SRPK2: variants seen among roughly 807,000 people sequenced by gnomAD.
SRPK2 encodes SRSF protein kinase 2.
Under a neutral mutation model 90.8 loss-of-function variants are expected in SRPK2, and 21 were observed. That is an observed-to-expected ratio of 0.23 (90% confidence interval 0.16 to 0.33). SRPK2 has a LOEUF of 0.33. SRPK2 is among the 10% of genes least tolerant of loss of function. The pLI, the probability that SRPK2 is intolerant of heterozygous loss-of-function variation, is 1.00. For missense variants in SRPK2, 620 were observed against 869.0 expected, an observed-to-expected ratio of 0.71 and a Z score of 3.60; for synonymous variants, 288 against 311.1, an observed-to-expected ratio of 0.93 and a Z score of 0.78.
At chr7:105,295,928 A>G (rs1437104664) in intron 2 of SRPK2, among the ~76,000 whole-genome samples, 1 of 152,232 alleles carries the variant, frequency 6.6e-6, no homozygotes, top group African/African-American at 2.4e-5. Context: ...TACAGGATAT[A>G]AACACTGCTA....
At chr7:105,373,622 C>T (rs1473527306) in intron 2 of SRPK2, among the ~76,000 whole-genome samples, 1 of 151,990 alleles carries the variant, frequency 6.6e-6, no homozygotes, top group Non-Finnish European at 1.5e-5. Context: ...AGGCTGGTCT[C>T]GAACTCCTGG....
At chr7:105,262,544 T>C (rs1376022582) in intron 2 of SRPK2, among the ~76,000 whole-genome samples, 1 of 152,208 alleles carries the variant, frequency 6.6e-6, no homozygotes, top group Admixed American at 6.5e-5. Context: ...CTATTAAGGT[T>C]TGACGAAAGA....
At chr7:105,215,521 A>G (rs1384798695) in intron 2 of SRPK2, among the ~76,000 whole-genome samples, 1 of 152,212 alleles carries the variant, frequency 6.6e-6, no homozygotes, top group Admixed American at 6.5e-5. Context: ...TGTCCACACA[A>G]AAACGTGTAC....
intron 2 of SRPK2, among the ~76,000 whole-genome samples, chr7:105,382,721 G>C (rs1022402681): frequency 2.0e-5 from 3 of 152,102 alleles, no homozygotes; most frequent in African/African-American, 4.8e-5. Context: ...AAGTGATAGA[G>C]AACAGATCAG....
chr7:105,274,589 A>C (rs1366853571), intron 2 of SRPK2, among the ~76,000 whole-genome samples: 3 of 151,824 alleles, frequency 2.0e-5, no homozygotes, highest in Non-Finnish European at 4.4e-5. Context: ...AAGACGGATG[A>C]ATAGGGAGAC....
intron 2 of SRPK2, among the ~76,000 whole-genome samples, chr7:105,291,449 C>G (rs562819379): frequency 1.3e-5 from 2 of 152,274 alleles, no homozygotes; most frequent in South Asian, 4.1e-4. Flanking sequence ...CTTTGTGAGG[C>G]TGGGCACAGT....
chr7:105,342,090 C>G (rs1464934483), intron 2 of SRPK2, among the ~76,000 whole-genome samples: 2 of 151,190 alleles, frequency 1.3e-5, no homozygotes, highest in African/African-American at 2.4e-5. Flanking sequence ...ACAGTGAAAC[C>G]CCATCTCTAC....
chr7:105,228,704 C>T (rs1450588101), intron 2 of SRPK2, among the ~76,000 whole-genome samples: 2 of 152,186 alleles, frequency 1.3e-5, no homozygotes, highest in Admixed American at 6.5e-5. Flanking sequence ...GAGCTGCTAA[C>T]ACACTGCTGT....
intron 7 of SRPK2, among the ~76,000 whole-genome samples, chr7:105,156,584 T>A (rs763419181): frequency 6.6e-6 from 1 of 152,200 alleles, no homozygotes; most frequent in Non-Finnish European, 1.5e-5. Context: ...CACTGCAGCC[T>A]TGACCCCTTG....
At chr7:105,213,381 A>T (rs1385068910) in intron 2 of SRPK2, among the ~76,000 whole-genome samples, 2 of 152,178 alleles carry the variant, frequency 1.3e-5, no homozygotes, top group African/African-American at 4.8e-5. Flanking sequence ...AGCAAAGGTG[A>T]TTGAAACTGA....
intron 2 of SRPK2, among the ~76,000 whole-genome samples, chr7:105,232,458 T>TAAAAAAAAAAAAAAAAAAAAA (rs10533429): frequency 7.6e-5 from 10 of 132,094 alleles, no homozygotes; most frequent in African/African-American, 2.8e-4. Context: ...AAACCTTATC[T>TAAAAAAAAAAAAAAAAAAAAA]AAAAAAAAAA....
intron 11 of SRPK2, among the ~76,000 whole-genome samples, chr7:105,139,936 A>T (rs78819032): frequency 0.019 from 2,927 of 152,100 alleles, 100 homozygotes; most frequent in African/African-American, 0.065. Context: ...GTTCCAGGAC[A>T]TCCTGAGGAT....
intron 2 of SRPK2, among the ~76,000 whole-genome samples, chr7:105,381,385 G>A (rs559145852): frequency 1.3e-5 from 2 of 152,186 alleles, no homozygotes; most frequent in African/African-American, 4.8e-5. Context: ...GACCAGCCTG[G>A]CCAATATGGC....
chr7:105,273,031 T>C (rs1029233569), intron 2 of SRPK2, among the ~76,000 whole-genome samples: 2 of 151,914 alleles, frequency 1.3e-5, no homozygotes, highest in East Asian at 1.9e-4. Flanking sequence ...CTGGCTAACA[T>C]GGTGAAACTC....
In SRPK2 at chr7:105,168,082, C is replaced by A; in HGVS notation, c.352G>T (p.Val118Phe). ...LCWDMQGKRF[V>F]AMKVVKSAQH... ...GCACTTTTTACAACTTTCATTGCAA[C>A]AAATCTTTTCCCCCTAAAAGAAAAA... The change falls in exon 5 of 16, where the codon GTT becomes TTT. Residue 118 changes from valine (V) to phenylalanine (F), a missense_variant. Physicochemically the swap from Val to Phe is conservative, Grantham distance 50. Transcript: ENST00000393651. The A allele has an allele frequency of 6.2e-7, 1 of 1,611,434 alleles. No homozygotes were observed. The highest frequency in any genetic ancestry group is 8.5e-7 in the Non-Finnish European group (1 of 1,178,636).
intron 2 of SRPK2, among the ~76,000 whole-genome samples, chr7:105,345,404 A>T (rs1216410504): frequency 6.6e-6 from 1 of 152,190 alleles, no homozygotes; most frequent in African/African-American, 2.4e-5. Flanking sequence ...ACTAAAATCT[A>T]AACAGTAGCT....
chr7:105,237,612 CTT>C (rs1277971486), intron 2 of SRPK2, among the ~76,000 whole-genome samples: 1 of 152,156 alleles, frequency 6.6e-6, no homozygotes, highest in Non-Finnish European at 1.5e-5. Context: ...AAAAAACAAA[CTT>C]AGAAGAGGGC....
At chr7:105,125,372 C>A (rs1801042467) in intron 15 of SRPK2, among the ~76,000 whole-genome samples, 1 of 152,138 alleles carries the variant, frequency 6.6e-6, no homozygotes, top group Non-Finnish European at 1.5e-5. Flanking sequence ...CAGGCCTACA[C>A]CCACTACAGA....
chr7:105,291,044 CAA>C (rs10684672), intron 2 of SRPK2, among the ~76,000 whole-genome samples: 32 of 83,774 alleles, frequency 3.8e-4, no homozygotes, highest in East Asian at 7.7e-4. Flanking sequence ...GACTCCGTCT[CAA>C]AAAAAAAAAA....
Sources: allele counts gnomAD v4.1 joint callset (sites outside exome capture counted in the v4.1 genomes callset), GRCh38; gene constraint gnomAD v4.1.1; transcripts MANE v1.5; gene names NCBI Gene and HGNC (gene_info 2026-07-23, HGNC 2026-07-21).